RGS12: variants seen among roughly 807,000 people sequenced by gnomAD.
The protein encoded by RGS12 is regulator of G protein signaling 12, also known as regulator of G-protein signaling 12.
A neutral mutation model predicts 120.1 loss-of-function variants in RGS12; 66 were observed. The ratio of observed to expected loss-of-function variants is 0.55; its 90% CI spans 0.45 to 0.67. The LOEUF (loss-of-function observed/expected upper bound fraction) is 0.67. RGS12 is among the 30% of genes least tolerant of loss of function. The pLI is 0.00. For missense variants in RGS12, 1,859 were observed against 1,957.7 expected (o/e 0.95, Z 0.95); for synonymous variants, 827 against 804.7 (o/e 1.03, Z -0.47).
intron 1 of RGS12, among the ~76,000 whole-genome samples, chr4:3,309,331 G>A (rs569430099): frequency 6.7e-6 from 1 of 148,278 alleles, no homozygotes; most frequent in Non-Finnish European, 1.5e-5. Context: ...GGGTGGGAGA[G>A]GAGCTGGGAT....
At chr4:3,297,574 A>G (rs1335116874) in intron 1 of RGS12, among the ~76,000 whole-genome samples, 8 of 152,190 alleles carry the variant, frequency 5.3e-5, no homozygotes, top group Non-Finnish European at 1.2e-4. Context: ...AGCATTGCTC[A>G]TTACTGCGCC....
intron 2 of RGS12, among the ~76,000 whole-genome samples, chr4:3,334,037 A>G (rs752237784): frequency 6.6e-6 from 1 of 152,098 alleles, no homozygotes; most frequent in Non-Finnish European, 1.5e-5. Flanking sequence ...TTATAATTTT[A>G]TTTGCCATTA....
intron 1 of RGS12, among the ~76,000 whole-genome samples, chr4:3,311,854 G>A (rs375401936): frequency 4.6e-5 from 7 of 152,330 alleles, no homozygotes; most frequent in East Asian, 1.9e-4. Context: ...CCTGTGTGAC[G>A]TGGTCGGTGA....
At chr4:3,291,791 C>G (rs546925807), upstream of RGS12, among the ~76,000 whole-genome samples, 2 of 152,186 alleles carry the variant, frequency 1.3e-5, no homozygotes, top group Non-Finnish European at 2.9e-5. Flanking sequence ...CAGGTGAAAA[C>G]AGTTCCCTCC....
intron 1 of RGS12, among the ~76,000 whole-genome samples, chr4:3,304,088 C>T (rs906238504): frequency 5.9e-5 from 9 of 152,214 alleles, no homozygotes; most frequent in Non-Finnish European, 1.2e-4. Flanking sequence ...TCCATGAGGC[C>T]GGAATTGAGG....
intron 3 of RGS12, among the ~76,000 whole-genome samples, chr4:3,361,073 A>G (rs1251469896): frequency 6.6e-6 from 1 of 152,218 alleles, no homozygotes; most frequent in Non-Finnish European, 1.5e-5. Context: ...TTATTCTTGC[A>G]GTGGGATGCT....
chr4:3,420,854 G>T, intron 10 of RGS12, 136 bp downstream of exon 10: 1 of 811,980 alleles, frequency 1.2e-6, no homozygotes, highest in Non-Finnish European at 1.9e-6. Context: ...CAAGGCTCGG[G>T]TGCCGGCCCA....
Position 3,439,608 on chromosome 4 carries a change from A to G in RGS12, c.4268A>G (p.Asp1423Gly). The change falls in exon 18 of 18, where the codon GAC becomes GGC. Residue 1423 changes from aspartate (D) to glycine (G), a missense_variant. Physicochemically the swap from Asp to Gly is moderately conservative, Grantham distance 94. Coordinates refer to ENST00000336727, the MANE Select transcript of RGS12 (RefSeq NM_001394154.1). The stretch of plus-strand genomic sequence containing the variant: ...GCCAGTGGTGGGCCTCCTACATCAG[A>G]CCTCCCTGGCTTGGGCCCCGTCCCG... ...SQASGGPPTS[D>G]LPGLGPVPGE... 1.2e-6 allele frequency: 2 copies of G among 1,606,618 alleles called. No homozygotes were observed. The highest frequency in any genetic ancestry group is 1.7e-6 in the Non-Finnish European group (2 of 1,176,496).
intron 1 of RGS12, among the ~76,000 whole-genome samples, chr4:3,293,622 A>G (rs1467468631): frequency 6.6e-6 from 1 of 152,208 alleles, no homozygotes; most frequent in African/African-American, 2.4e-5. Context: ...TGCAGTGTAG[A>G]CAGAGGGGTC....
At chr4:3,311,737 A>T (rs1056385187) in intron 1 of RGS12, among the ~76,000 whole-genome samples, 1 of 152,196 alleles carries the variant, frequency 6.6e-6, no homozygotes. Context: ...TCCTGTTCAG[A>T]CCTGGGTCCT....
rs373138747 is a variant in RGS12 at position 3,430,785 on chromosome 4, A to G, written c.3944A>G (p.Gln1315Arg). Residue 1315 changes from glutamine (Q) to arginine (R), a missense_variant, in exon 17 of 18, where the codon CAG (glutamine) becomes CGG (arginine). Around this residue, in one of 3 missense-constraint regions of RGS12, gnomAD observed 517 missense variants for 488.5 expected, o/e 1.06. Transcript: ENST00000336727. ...TCCCTCGCGCAGGAGGGCACCGCCC[A>G]GATCTGGAAGAGGCAGTCTCAGGAA... ...PVSLAQEGTAQIWKRQSQEVE... is the reference protein window; with the variant it reads ...PVSLAQEGTARIWKRQSQEVE... The G allele has an allele frequency of 1.2e-6, 2 of 1,611,138 alleles. No homozygotes were observed. The highest frequency in any genetic ancestry group is 2.7e-5 in the African/African-American group (2 of 74,708).
intron 5 of RGS12, 33 bp from the exon 6 acceptor site, chr4:3,414,719 A>G (rs759059044): frequency 2.8e-6 from 4 of 1,438,242 alleles, no homozygotes; most frequent in East Asian, 2.3e-5. Context: ...ACCCTGTGTC[A>G]GTGTTAATAA....
At chr4:3,326,225 C>G (rs1221789417) in intron 2 of RGS12, among the ~76,000 whole-genome samples, 1 of 152,118 alleles carries the variant, frequency 6.6e-6, no homozygotes, top group Non-Finnish European at 1.5e-5. Context: ...AAGAGGAGGT[C>G]AAATTATCGT....
chr4:3,367,884 C>T (rs111702413), intron 3 of RGS12, among the ~76,000 whole-genome samples: 7 of 152,338 alleles, frequency 4.6e-5, no homozygotes, highest in Admixed American at 1.3e-4. Flanking sequence ...CAGCAACAGG[C>T]GGACCCCTAG....
intron 3 of RGS12, among the ~76,000 whole-genome samples, chr4:3,347,587 G>C (rs1005959388): frequency 1.3e-5 from 2 of 152,200 alleles, no homozygotes; most frequent in African/African-American, 2.4e-5. Context: ...GCTTGATCTT[G>C]ATAAGTAGTT....
chr4:3,417,176 C>G lies in RGS12; in HGVS notation c.2607+84C>G, dbSNP rs547558989. ...TGTTCTGTGGGGAGTGAAAAGAGGCCCTGTCGGCGTCTTCACCAGTGGTGG... is the reference window on the plus strand; with the variant it reads ...TGTTCTGTGGGGAGTGAAAAGAGGCGCTGTCGGCGTCTTCACCAGTGGTGG... On this transcript the variant is annotated intron_variant, in intron 8 of 17. Transcript: ENST00000336727. 33 of 1,422,462 alleles carry G rather than the reference C, an allele frequency of 2.3e-5. No individual in the cohort carries two copies. In the African/African-American group the frequency reaches 2.7e-4, roughly 12 times the overall value. 88.1% of individuals were successfully genotyped at this position (1,422,462 alleles called of 1,614,324 possible).
intron 1 of RGS12, among the ~76,000 whole-genome samples, chr4:3,298,866 TTTA>T (rs1480040288): frequency 6.6e-6 from 1 of 152,234 alleles, no homozygotes; most frequent in Non-Finnish European, 1.5e-5. Context: ...CTGTCATTTG[TTTA>T]TTGTGATCAT....
At position 3,390,488 on chromosome 4, in the gene RGS12, A is replaced by G. The variant is rs1719373959; in HGVS notation, c.2020+4051A>G. Among the ~76,000 whole-genome samples the G allele has an allele frequency of 6.6e-6, 1 of 152,218 alleles. No homozygotes were observed. The highest frequency in any genetic ancestry group is 1.5e-5 in the Non-Finnish European group (1 of 68,050). ...TCAGTGATTTTCCTTTTAGTCGTGAAACCTTCTCAAAAAGCACACACAAGC... is the reference window on the plus strand; with the variant it reads ...TCAGTGATTTTCCTTTTAGTCGTGAGACCTTCTCAAAAAGCACACACAAGC... On this transcript the variant is annotated intron_variant, in intron 4 of 17. Coordinates refer to ENST00000336727, the MANE Select transcript of RGS12 (RefSeq NM_001394154.1). This position sits in a 1 kb window ranked among gnomAD's most constrained non-coding sequence, Gnocchi z 4.6.
intron 4 of RGS12, chr4:3,413,011 AG>A (rs1295056271): frequency 7.8e-6 from 1 of 127,698 alleles, no homozygotes; most frequent in Admixed American, 7.5e-5. Context: ...TGCTCGCGTC[AG>A]GAGGGACGGG....
Sources: gnomAD v4.1 joint callset for allele counts (sites outside exome capture counted in the v4.1 genomes callset) on GRCh38, gnomAD v4.1.1 for gene constraint, gnomAD v4.1.1 regional missense constraint, Gnocchi (gnomAD v3.1) non-coding constraint, MANE v1.5 for transcripts, NCBI Gene and HGNC (gene_info 2026-07-23, HGNC 2026-07-21) for gene names.